The following AGBL1 variants were observed in gnomAD, a reference collection of about 807,000 sequenced individuals.
The protein encoded by AGBL1 is cytosolic carboxypeptidase 4.
Under a neutral mutation model 118.9 loss-of-function variants are expected in AGBL1, and 130 were observed. The ratio of observed to expected loss-of-function variants is 1.09; its 90% CI spans 0.95 to 1.26. The LOEUF is 1.26. AGBL1 is among the 50% of genes most tolerant of loss of function. The probability of loss-of-function intolerance (pLI) is 0.00; values close to 1 mark genes in which losing one functional copy is unlikely to be tolerated. For missense variants in AGBL1, 1,584 were observed against 1,298.1 expected, an observed-to-expected ratio of 1.22 and a Z score of -3.38; for synonymous variants, 555 against 478.9, an observed-to-expected ratio of 1.16 and a Z score of -2.08.
Position 86,532,108 on chromosome 15 carries a change from A to G in AGBL1, c.2685+9169A>G, listed in dbSNP as rs2083358080. On this transcript the variant is annotated intron_variant, in intron 19 of 22. Coordinates refer to ENST00000614907, the MANE Select transcript of AGBL1 (RefSeq NM_001386094.1). ...CAACATAGTGTTGGAAGTTCTGGCC[A>G]GGGCAATCAGGCAGGAGAAGGAAAT... Among the ~76,000 whole-genome samples the G allele has an allele frequency of 2.0e-5, 3 of 151,140 alleles. No homozygotes were observed. The South Asian group carries it at 6.3e-4, about 32-fold the overall frequency.
At chr15:86,504,244 C>T (rs1049795474) in intron 18 of AGBL1, among the ~76,000 whole-genome samples, 1 of 151,458 alleles carries the variant, frequency 6.6e-6, no homozygotes, top group Admixed American at 6.6e-5. Context: ...CTCTGTCTTT[C>T]TTTTGGTTAC....
rs1450623320 is a variant in AGBL1 at position 86,090,028 on chromosome 15, A to T, written c.51+10005A>T. Among the ~76,000 whole-genome samples the T allele has an allele frequency of 2.6e-5, 4 of 152,220 alleles. No individual in the cohort carries two copies. The East Asian group carries it at 7.7e-4, about 29-fold the overall frequency. Reference sequence around the variant, plus strand: ...CCCTCACATTTGTCGAGTACTTACTATGTACCAGGAAATAGCCTAAGTATT... The same window carrying T: ...CCCTCACATTTGTCGAGTACTTACTTTGTACCAGGAAATAGCCTAAGTATT... On this transcript the variant is annotated intron_variant, in intron 1 of 22. Coordinates refer to ENST00000614907, the MANE Select transcript of AGBL1 (RefSeq NM_001386094.1).
chr15:86,226,446 G>T (rs1042919453), intron 6 of AGBL1, among the ~76,000 whole-genome samples: 1 of 152,182 alleles, frequency 6.6e-6, no homozygotes, highest in Non-Finnish European at 1.5e-5. Context: ...TGGGAAGGGA[G>T]CCCAGAGAGC....
At chr15:86,951,041 G>A (rs901543943) in intron 23 of AGBL1, among the ~76,000 whole-genome samples, 1 of 152,130 alleles carries the variant, frequency 6.6e-6, no homozygotes, top group African/African-American at 2.4e-5. Flanking sequence ...CTCAAACTGG[G>A]TGCCTTCTTA....
In AGBL1 at chr15:86,914,031, G is replaced by A. The variant is rs2080386792; in HGVS notation, c.*6737G>A. 2 of 152,162 alleles carry A rather than the reference G, an allele frequency of 1.3e-5. No individual in the cohort carries two copies. Among genetic ancestry groups the A allele is most frequent in the African/African-American group, 4.8e-5 (2 of 41,432 alleles). 9.4% of individuals were successfully genotyped at this position (152,162 alleles called of 1,614,324 possible). On this transcript the variant is annotated 3_prime_UTR_variant, in exon 23 of 23. Transcript: ENST00000614907. ...TCCTGGCAAAATAAGTAACACTTAAGCATAATTATTTGGAGCTATTCAGTT... is the reference window on the plus strand; with the variant it reads ...TCCTGGCAAAATAAGTAACACTTAAACATAATTATTTGGAGCTATTCAGTT...
intron 22 of AGBL1, among the ~76,000 whole-genome samples, chr15:86,901,194 C>T (rs1278126566): frequency 6.6e-6 from 1 of 151,960 alleles, no homozygotes; most frequent in Non-Finnish European, 1.5e-5. Context: ...AATATGTTGA[C>T]TAGGTTTTAG....
At chr15:86,916,518 T>C (rs1396421714), downstream of AGBL1, among the ~76,000 whole-genome samples, 1 of 152,120 alleles carries the variant, frequency 6.6e-6, no homozygotes, top group East Asian at 1.9e-4. Context: ...TCTTCACCTA[T>C]TGTGTAATTT....
rs890706304 is a variant in AGBL1 at position 86,908,089 on chromosome 15, T to A, written c.*795T>A. The A allele has an allele frequency of 6.6e-6, 1 of 152,130 alleles. No individual in the cohort carries two copies. Among genetic ancestry groups the A allele is most frequent in the African/African-American group, 2.4e-5 (1 of 41,384 alleles). The allele number at this position is 152,130 out of a possible 1,614,324, so 9.4% of individuals were successfully genotyped here. A position where few individuals can be genotyped will look rare whatever the true frequency, so the allele number is the denominator to read the frequency against. ...TCTGGCAGTTGCTTGTTATGACAAT[T>A]TAGGCAAGTAATTAAATTTTCCTAA... On this transcript the variant is annotated 3_prime_UTR_variant, in exon 23 of 23. Coordinates refer to ENST00000614907, the MANE Select transcript of AGBL1 (RefSeq NM_001386094.1).
chr15:86,590,253 C>T (rs529637701), intron 21 of AGBL1, among the ~76,000 whole-genome samples: 1 of 152,172 alleles, frequency 6.6e-6, no homozygotes, highest in Admixed American at 6.5e-5. Context: ...CACCCAATCT[C>T]ACCTTGAATT....
At chr15:86,987,097 C>A (rs1453938916) in intron 23 of AGBL1, among the ~76,000 whole-genome samples, 3 of 152,088 alleles carry the variant, frequency 2.0e-5, no homozygotes, top group Non-Finnish European at 2.9e-5. Flanking sequence ...CAAGGACCGG[C>A]CATTTTCACT....
intron 22 of AGBL1, among the ~76,000 whole-genome samples, chr15:86,750,789 C>T (rs774779428): frequency 5.3e-5 from 8 of 151,718 alleles, no homozygotes; most frequent in Non-Finnish European, 8.8e-5. Flanking sequence ...TTGCCTCTTC[C>T]CGCCTTCCAC....
chr15:86,378,066 C>T (rs2081063698), intron 17 of AGBL1, among the ~76,000 whole-genome samples: 1 of 152,142 alleles, frequency 6.6e-6, no homozygotes, highest in Non-Finnish European at 1.5e-5. Flanking sequence ...TTCATTTTGC[C>T]TACGGACCAA....
intron 17 of AGBL1, among the ~76,000 whole-genome samples, chr15:86,308,811 T>C (rs1322292394): frequency 6.6e-6 from 1 of 152,196 alleles, no homozygotes; most frequent in Non-Finnish European, 1.5e-5. Context: ...CCATGTGGAG[T>C]TGGTTACTAC....
At chr15:86,443,005 A>T (rs2082082430) in intron 18 of AGBL1, among the ~76,000 whole-genome samples, 1 of 152,206 alleles carries the variant, frequency 6.6e-6, no homozygotes. Flanking sequence ...TGTTACTGCT[A>T]TTCTGTCTGG....
intron 19 of AGBL1, among the ~76,000 whole-genome samples, chr15:86,526,544 GTATATATATA>G (rs1555422465): frequency 6.7e-5 from 8 of 119,452 alleles, no homozygotes; most frequent in East Asian, 5.3e-4. Flanking sequence ...TTGTGTCTGT[GTATATATATA>G]TATATATATA....
chr15:86,710,197 A>G (rs540215554), intron 22 of AGBL1, among the ~76,000 whole-genome samples: 32 of 152,306 alleles, frequency 2.1e-4, no homozygotes, highest in African/African-American at 6.5e-4. Context: ...GTGACAGCCA[A>G]TCCTTCAGAT....
At chr15:86,101,056 A>T (rs2141497786) in intron 1 of AGBL1, among the ~76,000 whole-genome samples, 1 of 152,080 alleles carries the variant, frequency 6.6e-6, no homozygotes, top group East Asian at 1.9e-4. Flanking sequence ...ATTTTGGTAT[A>T]TTGGGTTTCA....
intron 1 of AGBL1, among the ~76,000 whole-genome samples, chr15:86,110,934 C>T (rs967618279): frequency 1.3e-5 from 2 of 152,172 alleles, no homozygotes; most frequent in African/African-American, 4.8e-5. Context: ...CCCAATACAG[C>T]CAAGCTATGA....
At chr15:86,191,370 A>G (rs1371526818) in intron 5 of AGBL1, among the ~76,000 whole-genome samples, 4 of 139,684 alleles carry the variant, frequency 2.9e-5, no homozygotes, top group Non-Finnish European at 6.3e-5. Context: ...AAAAAAAAAA[A>G]GAGAGAGAGA....
Sources: gnomAD v4.1 joint callset for allele counts (sites outside exome capture counted in the v4.1 genomes callset) on GRCh38, gnomAD v4.1.1 for gene constraint, MANE v1.5 for transcripts, NCBI Gene and HGNC (gene_info 2026-07-23, HGNC 2026-07-21) for gene names.